The following TREH variants were observed in gnomAD, a reference collection of about 807,000 sequenced individuals.
The protein encoded by TREH is alpha,alpha-trehalose glucohydrolase.
In TREH, 69 loss-of-function variants were observed where a neutral mutation model predicts 80.5. The observed-to-expected ratio is 0.86, with a 90% CI of 0.71 to 1.05. The LOEUF (loss-of-function observed/expected upper bound fraction) is 1.05, where lower values mean the gene tolerates loss of function less well. Ranked by LOEUF, TREH falls within the 50% of genes least tolerant of loss-of-function variation. The pLI is 0.00. For synonymous variants in TREH, 309 were observed against 293.5 expected (o/e 1.05, Z -0.54); for missense variants, 716 against 718.8 (o/e 1.00, Z 0.04).
intron 1 of TREH, among the ~76,000 whole-genome samples, chr11:118,669,750 G>T (rs567980285): frequency 6.6e-6 from 1 of 152,108 alleles, no homozygotes; most frequent in Non-Finnish European, 1.5e-5. Context: ...ATGGTTAATG[G>T]TACAAAAAAA....
At chr11:118,678,691 C>A (rs1343965780) in intron 1 of TREH, among the ~76,000 whole-genome samples, 1 of 150,876 alleles carries the variant, frequency 6.6e-6, no homozygotes, top group Non-Finnish European at 1.5e-5. Context: ...ATTGTTCTTG[C>A]AGGAGCTGGT....
At chr11:118,671,430 T>G (rs1555146260) in intron 1 of TREH, among the ~76,000 whole-genome samples, 4 of 151,988 alleles carry the variant, frequency 2.6e-5, no homozygotes, top group African/African-American at 4.8e-5. Context: ...AACAGCCGAA[T>G]TGATCAAGCA....
At chr11:118,659,684 G>A in intron 11 of TREH, 63 bp downstream of exon 11, 7 of 1,535,186 alleles carry the variant, frequency 4.6e-6, no homozygotes, top group Non-Finnish European at 6.2e-6. Context: ...TGCAGGTCCT[G>A]TTCAGGGTCG....
chr11:118,673,245 T>G (rs1165224913), intron 1 of TREH, among the ~76,000 whole-genome samples: 2 of 152,172 alleles, frequency 1.3e-5, no homozygotes. Flanking sequence ...GAGTATCTTT[T>G]GTTCTGACCC....
intron 1 of TREH, among the ~76,000 whole-genome samples, chr11:118,678,301 C>G (rs1334991227): frequency 1.3e-5 from 2 of 152,170 alleles, no homozygotes; most frequent in East Asian, 3.9e-4. Context: ...CTCACCCACA[C>G]CAGCGGGCCC....
At chr11:118,667,216 T>C (rs1242210114) in intron 1 of TREH, among the ~76,000 whole-genome samples, 6 of 152,056 alleles carry the variant, frequency 3.9e-5, no homozygotes, top group African/African-American at 1.4e-4. Flanking sequence ...GTTCGCTCTA[T>C]CACCCAGGCT....
At chr11:118,665,355 A>C (rs1189892769) in intron 1 of TREH, among the ~76,000 whole-genome samples, 6 of 151,630 alleles carry the variant, frequency 4.0e-5, no homozygotes, top group African/African-American at 1.5e-4. Context: ...AAAAACTGCA[A>C]CTGGCTGGGT....
At chr11:118,660,786 A>T in intron 9 of TREH, 53 bp from the exon 10 acceptor site, 1 of 1,547,572 alleles carries the variant, frequency 6.5e-7, no homozygotes, top group Non-Finnish European at 8.8e-7. Flanking sequence ...ATAGGCAGCC[A>T]TTGACAGGAG....
At position 118,661,190 on chromosome 11, in the gene TREH, T is replaced by C. The variant is rs1555144890; in HGVS notation, c.827A>G (p.Asn276Ser). 1 of 1,613,692 alleles carries C rather than the reference T, an allele frequency of 6.2e-7. No homozygotes were observed. The highest frequency in any genetic ancestry group is 1.3e-5 in the African/African-American group (1 of 74,866). The change falls in exon 8 of 15, where the codon AAT becomes AGT. Residue 276 changes from asparagine (N) to serine (S), a missense_variant. Physicochemically the swap from Asn to Ser is conservative, Grantham distance 46 (BLOSUM62 1). Transcript: ENST00000264029. This position sits in a 1 kb window ranked among gnomAD's most constrained non-coding sequence, Gnocchi z 4.2. ...VSLEGKNYLL[N>S]RYYVPYGGPR... ...TCCCCCATAAGGGACATAATAGCGA[T>C]TCAGGAGGTAGTTCTTTCCCTCCAA... is the stretch of plus-strand genomic sequence containing the variant.
intron 1 of TREH, among the ~76,000 whole-genome samples, chr11:118,668,561 C>CAAAAAAAAAAAAAAA (rs35085066): frequency 2.1e-5 from 1 of 47,868 alleles, no homozygotes; most frequent in African/African-American, 1.0e-4. Context: ...GACTCTGTCT[C>CAAAAAAAAAAAAAAA]AAAAAAAAAA....
At chr11:118,662,725 C>T in intron 4 of TREH, 156 bp downstream of exon 4, 1 of 764,048 alleles carries the variant, frequency 1.3e-6, no homozygotes, top group Non-Finnish European at 2.1e-6. Context: ...CTCAGAAGTT[C>T]TTTCTAGAGG....
chr11:118,673,706 T>C (rs1949450869), intron 1 of TREH, among the ~76,000 whole-genome samples: 1 of 152,236 alleles, frequency 6.6e-6, no homozygotes, highest in South Asian at 2.1e-4. Flanking sequence ...GTGATTTCCA[T>C]ATAGACAAGG....
intron 11 of TREH, 90 bp downstream of exon 11, chr11:118,659,657 G>C: frequency 6.8e-7 from 1 of 1,477,872 alleles, no homozygotes; most frequent in Non-Finnish European, 9.2e-7. Flanking sequence ...GGCATAGCCG[G>C]AGGAAGCGCC....
rs782626070 is a variant in TREH at position 118,659,393 on chromosome 11, G to A, written c.1409C>T (p.Pro470Leu). The A allele has an allele frequency of 1.9e-6, 3 of 1,595,464 alleles. No homozygotes were observed. Among genetic ancestry groups the A allele is most frequent in the South Asian group, 1.1e-5 (1 of 87,798 alleles). The stretch of plus-strand genomic sequence containing the variant: ...ACCTCTGATGACCAGGTCCTGCAGG[G>A]GGGCCCAGGCATTGGGGAAATCCCA... ...QQWDFPNAWA[P>L]LQDLVIRGLA... Residue 470 changes from proline (P) to leucine (L), a missense_variant, in exon 12 of 15, where the codon CCC becomes CTC. Coordinates refer to ENST00000264029, the MANE Select transcript of TREH (RefSeq NM_007180.3).
intron 1 of TREH, among the ~76,000 whole-genome samples, chr11:118,665,361 T>C (rs1207797744): frequency 1.3e-5 from 2 of 151,642 alleles, no homozygotes; most frequent in East Asian, 3.9e-4. Context: ...TGCAACTGGC[T>C]GGGTGCAGTG....
chr11:118,667,464 G>T (rs1426675432), intron 1 of TREH, among the ~76,000 whole-genome samples: 1 of 152,156 alleles, frequency 6.6e-6, no homozygotes, highest in African/African-American at 2.4e-5. Context: ...GCCTCCCAAA[G>T]TGTTGAGATT....
At chr11:118,669,604 A>G (rs1555146013) in intron 1 of TREH, among the ~76,000 whole-genome samples, 1 of 152,240 alleles carries the variant, frequency 6.6e-6, no homozygotes, top group African/African-American at 2.4e-5. Context: ...CAGAAAGACA[A>G]ACTTCATATG....
intron 1 of TREH, 42 bp from the exon 2 acceptor site, chr11:118,663,481 A>G: frequency 6.8e-7 from 1 of 1,466,218 alleles, no homozygotes; most frequent in South Asian, 1.2e-5. Flanking sequence ...CACCACCACC[A>G]CCCCATTAGG....
intron 12 of TREH, 53 bp from the exon 13 acceptor site, chr11:118,659,070 A>G: frequency 6.4e-7 from 1 of 1,553,950 alleles, no homozygotes; most frequent in Non-Finnish European, 8.9e-7. Context: ...TCCCAGACAG[A>G]GCAGTGGCTG....
Sources: allele counts gnomAD v4.1 joint callset (sites outside exome capture counted in the v4.1 genomes callset), GRCh38; gene constraint gnomAD v4.1.1; non-coding constraint Gnocchi (gnomAD v3.1); transcripts MANE v1.5; gene names NCBI Gene and HGNC (gene_info 2026-07-23, HGNC 2026-07-21).